MDN1: variants seen among roughly 807,000 people sequenced by gnomAD.
MDN1 encodes the protein midasin.
In MDN1, 266 loss-of-function variants were observed where a neutral mutation model predicts 669.2. The ratio of observed to expected loss-of-function variants is 0.40; its 90% CI spans 0.36 to 0.44. The LOEUF is 0.44. MDN1 is among the 20% of genes least tolerant of loss of function. MDN1 has a pLI of 1.00. For synonymous variants in MDN1, 2,385 were observed against 2,457.1 expected (o/e 0.97, Z 0.87); for missense variants, 5,940 against 6,754.0 (o/e 0.88, Z 4.22).
chr6:89,670,971 G>C lies in MDN1; in HGVS notation c.13904C>G (p.Thr4635Ser). The part of the protein sequence containing the change: ...LTMSLATHRS[T>S]AKLLSVLAQV... Reference sequence around the variant, plus strand: ...GGCAAGCACAGAGAGCAGCTTTGCAGTACTACGGTGAGTTGCTAAAGACAT... The same window carrying C: ...GGCAAGCACAGAGAGCAGCTTTGCACTACTACGGTGAGTTGCTAAAGACAT... The change falls in exon 83 of 102, where the codon ACT becomes AGT. Residue 4635 changes from threonine to serine, a missense_variant. This residue lies in a region of MDN1 where 2,280 missense variants were observed against 2,576.3 expected (regional missense o/e 0.88). Transcript: ENST00000369393. 3.1e-6 allele frequency: 5 copies of C among 1,614,192 alleles called. No individual in the cohort carries two copies. Among genetic ancestry groups the C allele is most frequent in the Non-Finnish European group, 4.2e-6 (5 of 1,180,034 alleles).
chr6:89,750,254 G>C (rs759367388), intron 24 of MDN1, 100 bp downstream of exon 24: 25 of 1,230,094 alleles, frequency 2.0e-5, no homozygotes, highest in Non-Finnish European at 2.4e-5. Context: ...TTACAGCAAA[G>C]GTCCATGTGC....
intron 51 of MDN1, among the ~76,000 whole-genome samples, chr6:89,707,871 T>C (rs1229378491): frequency 1.3e-5 from 2 of 152,170 alleles, no homozygotes; most frequent in African/African-American, 4.8e-5. Flanking sequence ...TAAATTCATA[T>C]GTGAGTGTGT....
intron 2 of MDN1, among the ~76,000 whole-genome samples, chr6:89,797,376 A>AAG (rs1475561090): frequency 1.6e-4 from 24 of 151,456 alleles, no homozygotes; most frequent in Non-Finnish European, 3.2e-4. Context: ...CCATCTCAAA[A>AAG]AAAAAAAAAA....
intron 2 of MDN1, among the ~76,000 whole-genome samples, chr6:89,799,577 G>A (rs947533863): frequency 3.3e-5 from 5 of 152,132 alleles, no homozygotes; most frequent in East Asian, 1.9e-4. Context: ...CAGCTACTTC[G>A]GAGGCTGAGG....
intron 17 of MDN1, 109 bp from the exon 18 acceptor site, chr6:89,759,069 CTTGATGGGCCTAT>C: frequency 9.5e-7 from 1 of 1,048,496 alleles, no homozygotes; most frequent in South Asian, 1.6e-5. Flanking sequence ...ATCTTTCCTA[CTTGATGGGCCTAT>C]ACTTTAACTG....
At chr6:89,783,424 C>T (rs374509942) in intron 9 of MDN1, among the ~76,000 whole-genome samples, 22 of 152,216 alleles carry the variant, frequency 1.4e-4, no homozygotes, top group Admixed American at 3.3e-4. Context: ...GTGGTCAGAC[C>T]GGTCTGTTGT....
In MDN1 at chr6:89,701,573, T is replaced by C; in HGVS notation, c.8412A>G (p.Arg2804=). 1 of 1,614,118 alleles carries C rather than the reference T, an allele frequency of 6.2e-7. No individual in the cohort carries two copies. Among genetic ancestry groups the C allele is most frequent in the Non-Finnish European group, 8.5e-7 (1 of 1,180,000 alleles). The change falls in exon 55 of 102, where the codon CGA becomes CGG. Residue 2804 remains arginine (R), a synonymous_variant. Coordinates refer to ENST00000369393, the MANE Select transcript of MDN1 (RefSeq NM_014611.3). The part of the protein sequence containing the change: ...GIKKLQKFLG[R]PFPFKDKLVV... ...CCAGGTGTACCTTAAAAGGAAACGG[T>C]CGTCCCAGGAACTTCTGCAACTTCT...
intron 64 of MDN1, 75 bp downstream of exon 64, chr6:89,690,598 A>G: frequency 6.5e-7 from 1 of 1,532,236 alleles, no homozygotes; most frequent in South Asian, 1.2e-5. Flanking sequence ...AGAGGAAGAG[A>G]GAAAGCCATC....
At position 89,712,801 on chromosome 6, in the gene MDN1, A is replaced by C; in HGVS notation, c.7219-15T>G. 6.2e-7 allele frequency: 1 copy of C among 1,608,544 alleles called. No individual in the cohort carries two copies. The highest frequency in any genetic ancestry group is 8.5e-7 in the Non-Finnish European group (1 of 1,174,962). On this transcript the variant is annotated splice_polypyrimidine_tract_variant and intron_variant, in intron 47 of 101. Transcript: ENST00000369393. ...GCCTGTACAAGCTGGTAGGAGACAAAAACACAATACAGTGGTACCAACATA... is the reference window on the plus strand; with the variant it reads ...GCCTGTACAAGCTGGTAGGAGACAACAACACAATACAGTGGTACCAACATA...
At position 89,700,058 on chromosome 6, in the gene MDN1, T is replaced by C. The variant is rs1387308815; in HGVS notation, c.8870+5A>G. ...GCAAGGAAAACAACTGAAAGCATGGTTTACCTTCTGAGACAAGCTTGTGCC... is the reference window on the plus strand; with the variant it reads ...GCAAGGAAAACAACTGAAAGCATGGCTTACCTTCTGAGACAAGCTTGTGCC... On this transcript the variant is annotated splice_donor_5th_base_variant and intron_variant, in intron 57 of 101. Coordinates refer to ENST00000369393, the MANE Select transcript of MDN1 (RefSeq NM_014611.3). 6.2e-7 allele frequency: 1 copy of C among 1,612,998 alleles called. No individual in the cohort carries two copies. The highest frequency in any genetic ancestry group is 1.3e-5 in the African/African-American group (1 of 74,994).
rs765239351 is a variant in MDN1, at chr6:89,685,824, C to T, written c.11719+3G>A. 122 of 1,610,768 alleles carry T rather than the reference C, an allele frequency of 7.6e-5. 1 individual carries two copies. Among genetic ancestry groups the T allele is most frequent in the Admixed American group, 2.0e-4 (12 of 59,396 alleles). On this transcript the variant is annotated splice_donor_region_variant and intron_variant, in intron 70 of 101. Coordinates refer to ENST00000369393, the MANE Select transcript of MDN1 (RefSeq NM_014611.3). Reference sequence around the variant, plus strand: ...TCAAAGGAAAGGAAAAAAAAATCCTCACCCTTTCCTTCAACCTGTGGCATC... The same window carrying T: ...TCAAAGGAAAGGAAAAAAAAATCCTTACCCTTTCCTTCAACCTGTGGCATC...
intron 50 of MDN1, among the ~76,000 whole-genome samples, chr6:89,709,702 T>C (rs1238520269): frequency 6.6e-6 from 1 of 152,192 alleles, no homozygotes; most frequent in Non-Finnish European, 1.5e-5. Context: ...AAGATGGAGG[T>C]AGAAAATTTT....
intron 2 of MDN1, chr6:89,797,645 T>C (rs1307861146): frequency 6.2e-6 from 3 of 481,522 alleles, no homozygotes; most frequent in South Asian, 1.6e-5. Context: ...CCATGAAGCA[T>C]ATGAAGCCTC....
Position 89,688,117 on chromosome 6 carries a change from C to T in MDN1, c.11316G>A (p.Lys3772=). 6.2e-7 allele frequency: 1 copy of T among 1,614,146 alleles called. No homozygotes were observed. Among genetic ancestry groups the T allele is most frequent in the Non-Finnish European group, 8.5e-7 (1 of 1,180,004 alleles). The change falls in exon 67 of 102, where the codon AAG becomes AAA. Residue 3772 remains lysine (K), a synonymous_variant. Coordinates refer to ENST00000369393, the MANE Select transcript of MDN1 (RefSeq NM_014611.3). ...RSFPLSSPIS[K]FLNGLEILLA... Reference sequence around the variant, plus strand: ...GAAGGATCTCTAAGCCATTCAGGAACTTTGAGATGGGACTGGAAAGTGGGA... The same window carrying T: ...GAAGGATCTCTAAGCCATTCAGGAATTTTGAGATGGGACTGGAAAGTGGGA...
rs1487646251 is a variant in MDN1, at chr6:89,661,635, A to T, written c.14566-57T>A. ...TAAAAATACAAATATTTTTTTAAAA[A>T]GTAGAATTCCCATAAAATCAGCTCT... On this transcript the variant is annotated intron_variant, in intron 87 of 101. Transcript: ENST00000369393. 4 of 1,496,110 alleles carry T rather than the reference A, an allele frequency of 2.7e-6. No individual in the cohort carries two copies. The Admixed American group carries it at 9.0e-5, about 34-fold the overall frequency. The allele number at this position is 1,496,110 out of a possible 1,614,324, so 92.7% of individuals were successfully genotyped here. A position where few individuals can be genotyped will look rare whatever the true frequency, so the allele number is the denominator to read the frequency against.
chr6:89,722,956 T>A lies in MDN1; in HGVS notation c.5966A>T (p.Lys1989Met). The A allele has an allele frequency of 6.4e-7, 1 of 1,565,028 alleles. No individual in the cohort carries two copies. Among genetic ancestry groups the A allele is most frequent in the Non-Finnish European group, 8.7e-7 (1 of 1,149,876 alleles). ...ERMRTEEDKK[K>M]VIAVFKDVFG... Reference sequence around the variant, plus strand: ...ACAAATACCAAGCGTGAAACTCACCTTTTTTTTGTCCTCTTCGGTTCTCAT... The same window carrying A: ...ACAAATACCAAGCGTGAAACTCACCATTTTTTTGTCCTCTTCGGTTCTCAT... Residue 1989 changes from lysine to methionine, a missense_variant and splice_region_variant, in exon 40 of 102, where the codon AAG (lysine) becomes ATG (methionine). Lys to Met is a moderately conservative substitution (Grantham distance 95). This residue lies in a region of MDN1 where 2,292 missense variants were observed against 2,638.3 expected (regional missense o/e 0.87). Transcript: ENST00000369393.
At chr6:89,819,456 G>T in intron 1 of MDN1, 50 bp downstream of exon 1, 1 of 1,529,448 alleles carries the variant, frequency 6.5e-7, no homozygotes, top group Non-Finnish European at 8.9e-7. Context: ...AAGCTTACTA[G>T]TGGGGCGACC....
intron 15 of MDN1, among the ~76,000 whole-genome samples, chr6:89,767,978 G>A (rs1233779078): frequency 6.6e-6 from 1 of 152,022 alleles, no homozygotes; most frequent in African/African-American, 2.4e-5. Context: ...GGAGGTCAAG[G>A]CTGCAATAAG....
intron 13 of MDN1, 22 bp downstream of exon 13, chr6:89,774,599 C>T: frequency 6.4e-7 from 1 of 1,573,224 alleles, no homozygotes; most frequent in African/African-American, 1.3e-5. Flanking sequence ...CAGTTGGCAG[C>T]TTAGTTTAGA....
Sources: allele counts gnomAD v4.1 joint callset (sites outside exome capture counted in the v4.1 genomes callset), GRCh38; gene constraint gnomAD v4.1.1; regional missense constraint gnomAD v4.1.1; transcripts MANE v1.5; gene names NCBI Gene and HGNC (gene_info 2026-07-23, HGNC 2026-07-21).